The following EFCAB5 variants were observed in gnomAD, a reference collection of about 807,000 sequenced individuals.
The protein encoded by EFCAB5 is EF-hand calcium-binding domain-containing protein 5.
Under a neutral mutation model 167.9 loss-of-function variants are expected in EFCAB5, and 131 were observed. The ratio of observed to expected loss-of-function variants is 0.78; its 90% CI spans 0.68 to 0.90. The LOEUF (loss-of-function observed/expected upper bound fraction) is 0.90, where lower values mean the gene tolerates loss of function less well. EFCAB5 is among the 40% of genes least tolerant of loss of function. The pLI is 0.00. For synonymous variants in EFCAB5, 574 were observed against 602.8 expected (o/e 0.95, Z 0.70); for missense variants, 1,663 against 1,745.2 (o/e 0.95, Z 0.84).
At chr17:30,045,822 A>C (rs2069911351) in intron 8 of EFCAB5, among the ~76,000 whole-genome samples, 3 of 151,958 alleles carry the variant, frequency 2.0e-5, no homozygotes, top group African/African-American at 7.3e-5. Flanking sequence ...CAACATAGTG[A>C]GACCTGGTCT....
Position 30,078,282 on chromosome 17 carries a change from T to G in EFCAB5, c.2805T>G (p.Phe935Leu). ...AAGTGAGATTGTCTTCAAAACAATT[T>G]CAGAATTACATAGAATTGGTTGTGT... is the stretch of plus-strand genomic sequence containing the variant. ...GHEVRLSSKQ[F>L]QNYIELVVSE... Residue 935 changes from phenylalanine (F) to leucine (L), a missense_variant, in exon 15 of 23, where the codon TTT (phenylalanine) becomes TTG (leucine). Transcript: ENST00000394835. 6.2e-7 allele frequency: 1 copy of G among 1,613,986 alleles called. No homozygotes were observed. Among genetic ancestry groups the G allele is most frequent in the Non-Finnish European group, 8.5e-7 (1 of 1,179,876 alleles).
At chr17:30,055,216 T>C (rs2070219571) in intron 10 of EFCAB5, among the ~76,000 whole-genome samples, 1 of 151,530 alleles carries the variant, frequency 6.6e-6, no homozygotes, top group Admixed American at 6.6e-5. Context: ...CACCTGAACC[T>C]CAGGAGGTTG....
chr17:30,031,454 TGAA>T (rs1287689367), intron 7 of EFCAB5, among the ~76,000 whole-genome samples: 5 of 152,232 alleles, frequency 3.3e-5, no homozygotes, highest in East Asian at 1.9e-4. Flanking sequence ...GTTTATTTAA[TGAA>T]GAAGATGTTC....
intron 7 of EFCAB5, among the ~76,000 whole-genome samples, chr17:30,025,805 G>T (rs1313356346): frequency 6.6e-6 from 1 of 152,142 alleles, no homozygotes; most frequent in Non-Finnish European, 1.5e-5. Flanking sequence ...TTAAGAAAAT[G>T]TGGCACATAT....
chr17:30,086,289 T>A (rs1266218878), intron 18 of EFCAB5, among the ~76,000 whole-genome samples: 1 of 152,168 alleles, frequency 6.6e-6, no homozygotes, highest in Non-Finnish European at 1.5e-5. Context: ...AAAATATTGA[T>A]CAAGACTCAT....
At chr17:30,007,796 G>T (rs748750975) in intron 7 of EFCAB5, among the ~76,000 whole-genome samples, 1 of 152,098 alleles carries the variant, frequency 6.6e-6, no homozygotes, top group African/African-American at 2.4e-5. Context: ...AGACCAGCCC[G>T]GGCAACATAG....
intron 10 of EFCAB5, 106 bp from the exon 11 acceptor site, chr17:30,055,781 GT>G: frequency 1.7e-6 from 2 of 1,155,100 alleles, no homozygotes; most frequent in Non-Finnish European, 1.2e-6. Flanking sequence ...AGTACTTAGA[GT>G]TTTTGGTGTT....
intron 1 of EFCAB5, among the ~76,000 whole-genome samples, chr17:29,935,241 T>C (rs2067235330): frequency 6.6e-6 from 1 of 152,226 alleles, no homozygotes. Context: ...TTCATTTAAC[T>C]GTGTCCTGAC....
At chr17:30,018,021 A>G (rs575522004) in intron 7 of EFCAB5, among the ~76,000 whole-genome samples, 1 of 152,190 alleles carries the variant, frequency 6.6e-6, no homozygotes, top group Admixed American at 6.5e-5. Context: ...TGGGTGCTAT[A>G]TTTTCTGAGT....
intron 4 of EFCAB5, among the ~76,000 whole-genome samples, chr17:29,992,926 TTTAG>T (rs1380983323): frequency 6.6e-6 from 1 of 152,212 alleles, no homozygotes; most frequent in Admixed American, 6.5e-5. Flanking sequence ...AAGTCTAGTA[TTTAG>T]TTGGGTAAAA....
intron 1 of EFCAB5, chr17:29,930,175 A>C: frequency 1.7e-6 from 1 of 600,192 alleles, no homozygotes; most frequent in Non-Finnish European, 2.8e-6. Context: ...ACTGTCGCCG[A>C]CTGACGCTCC....
chr17:29,964,994 C>T (rs1192406796), intron 3 of EFCAB5, among the ~76,000 whole-genome samples: 7 of 151,612 alleles, frequency 4.6e-5, no homozygotes, highest in South Asian at 4.2e-4. Context: ...CTCTGCCTTC[C>T]GGGTTCACAC....
At chr17:29,952,914 T>C (rs2067541195) in intron 3 of EFCAB5, among the ~76,000 whole-genome samples, 1 of 152,094 alleles carries the variant, frequency 6.6e-6, no homozygotes, top group East Asian at 1.9e-4. Flanking sequence ...TGCTCTAGAG[T>C]TATAAAAATT....
intron 4 of EFCAB5, chr17:29,973,126 T>C (rs4077465): frequency 0.49 from 73,930 of 152,250 alleles, 18,341 homozygotes; most frequent in East Asian, 0.69. Flanking sequence ...GACCAACTAC[T>C]TCTGTCACAG....
chr17:29,946,538 G>T lies in EFCAB5; in HGVS notation c.190+2889G>T, dbSNP rs147572265. Among the ~76,000 whole-genome samples, 1,071 of 141,694 alleles carry T rather than the reference G, an allele frequency of 7.6e-3. 14 individuals carry two copies. Among genetic ancestry groups the T allele is most frequent in the African/African-American group, 0.024 (916 of 37,934 alleles). The allele number at this position is 141,694 out of a possible 152,430, so 93.0% of individuals were successfully genotyped here. A position where few individuals can be genotyped will look rare whatever the true frequency, so the allele number is the denominator to read the frequency against. ...TGCAAGCTCCGCCTCCCAGGTTCAC[G>T]CCATTCTCCTGCCTCAGCCTCCCAA... is the stretch of plus-strand genomic sequence containing the variant. On this transcript the variant is annotated intron_variant, in intron 3 of 22. Transcript: ENST00000394835.
intron 1 of EFCAB5, among the ~76,000 whole-genome samples, chr17:29,930,775 G>T (rs1205700433): frequency 2.0e-5 from 3 of 152,102 alleles, no homozygotes; most frequent in Admixed American, 6.5e-5. Flanking sequence ...ACCCTGGAAA[G>T]GTTTGTGGTA....
intron 7 of EFCAB5, among the ~76,000 whole-genome samples, chr17:30,030,388 G>C (rs537547151): frequency 6.6e-6 from 1 of 152,340 alleles, no homozygotes; most frequent in East Asian, 1.9e-4. Flanking sequence ...CTGTTGCCCA[G>C]GCTGGAGTGA....
intron 21 of EFCAB5, 85 bp from the exon 22 acceptor site, chr17:30,092,755 A>G: frequency 1.1e-6 from 1 of 875,512 alleles, no homozygotes; most frequent in Non-Finnish European, 1.8e-6. Flanking sequence ...ATCTATATAA[A>G]TGGAATTATG....
At chr17:30,068,191 A>C (rs1396789813) in intron 14 of EFCAB5, among the ~76,000 whole-genome samples, 1 of 151,982 alleles carries the variant, frequency 6.6e-6, no homozygotes, top group African/African-American at 2.4e-5. Context: ...AGCCCCAGCT[A>C]CTCGGGAGGC....
Sources: allele counts gnomAD v4.1 joint callset (sites outside exome capture counted in the v4.1 genomes callset), GRCh38; gene constraint gnomAD v4.1.1; transcripts MANE v1.5; gene names NCBI Gene and HGNC (gene_info 2026-07-23, HGNC 2026-07-21).